MCTP1: variants seen among roughly 807,000 people sequenced by gnomAD.
The protein encoded by MCTP1 is multiple C2 and transmembrane domain-containing protein 1.
Under a neutral mutation model 120.6 loss-of-function variants are expected in MCTP1, and 69 were observed. The observed-to-expected ratio is 0.57, with a 90% CI of 0.47 to 0.70. The LOEUF is 0.70. MCTP1 is among the 30% of genes least tolerant of loss of function. MCTP1 has a pLI of 0.00. For synonymous variants in MCTP1, 529 were observed against 493.1 expected, an observed-to-expected ratio of 1.07 and a Z score of -0.96; for missense variants, 1,203 against 1,248.8, an observed-to-expected ratio of 0.96 and a Z score of 0.55.
At chr5:95,281,420 CCT>C (rs763077467) in intron 1 of MCTP1, among the ~76,000 whole-genome samples, 1 of 152,176 alleles carries the variant, frequency 6.6e-6, no homozygotes, top group East Asian at 1.9e-4. Context: ...ACTGAGAAAT[CCT>C]CTCTTTTACA....
intron 1 of MCTP1, among the ~76,000 whole-genome samples, chr5:95,074,110 C>T (rs751747970): frequency 5.9e-5 from 9 of 152,004 alleles, no homozygotes; most frequent in East Asian, 3.9e-4. Flanking sequence ...AGTGAGACTC[C>T]GTCTCAAGAA....
At chr5:95,173,230 GA>G (rs1747562165) in intron 1 of MCTP1, among the ~76,000 whole-genome samples, 1 of 152,120 alleles carries the variant, frequency 6.6e-6, no homozygotes, top group Admixed American at 6.5e-5. Flanking sequence ...CAATCTATTA[GA>G]ACTCAGTGAT....
intron 2 of MCTP1, among the ~76,000 whole-genome samples, chr5:94,969,353 C>T (rs1826280459): frequency 6.6e-6 from 1 of 152,126 alleles, no homozygotes; most frequent in African/African-American, 2.4e-5. Context: ...AGCCTATCTT[C>T]CCTTAAACTA....
chr5:95,102,337 T>A (rs979314006), intron 1 of MCTP1, among the ~76,000 whole-genome samples: 1 of 152,172 alleles, frequency 6.6e-6, no homozygotes, highest in Admixed American at 6.5e-5. Flanking sequence ...TGCGGCTGCA[T>A]GAGTGAGCCA....
intron 20 of MCTP1, among the ~76,000 whole-genome samples, chr5:94,713,921 C>CAA (rs1758043797): frequency 6.7e-6 from 1 of 148,528 alleles, no homozygotes; most frequent in Non-Finnish European, 1.5e-5. Flanking sequence ...CTATGAATAA[C>CAA]AAACAATGAA....
intron 2 of MCTP1, among the ~76,000 whole-genome samples, chr5:95,015,309 C>T (rs1836883782): frequency 6.6e-6 from 1 of 152,104 alleles, no homozygotes; most frequent in African/African-American, 2.4e-5. Flanking sequence ...TTCTTATCCC[C>T]TTAGATGAGA....
intron 1 of MCTP1, among the ~76,000 whole-genome samples, chr5:95,252,268 G>A (rs1757454516): frequency 6.6e-6 from 1 of 152,052 alleles, no homozygotes; most frequent in African/African-American, 2.4e-5. Context: ...CTATCTCTAT[G>A]ACAGAAGGTA....
At chr5:94,753,377 TC>T (rs1174091416) in intron 19 of MCTP1, among the ~76,000 whole-genome samples, 1 of 152,216 alleles carries the variant, frequency 6.6e-6, no homozygotes, top group African/African-American at 2.4e-5. Context: ...CCTATTGCCT[TC>T]CGCCTCTGGG....
chr5:94,983,931 C>CT, intron 2 of MCTP1, among the ~76,000 whole-genome samples: 1 of 152,268 alleles, frequency 6.6e-6, no homozygotes, highest in Admixed American at 6.5e-5. Flanking sequence ...CTGGCAGTCT[C>CT]TAACAATCCA....
At chr5:94,977,926 G>C (rs1035821282) in intron 2 of MCTP1, among the ~76,000 whole-genome samples, 12 of 152,078 alleles carry the variant, frequency 7.9e-5, no homozygotes, top group African/African-American at 2.7e-4. Context: ...GGAAACAAAA[G>C]TAAAACCAGG....
intron 17 of MCTP1, among the ~76,000 whole-genome samples, chr5:94,846,255 T>G (rs1792325164): frequency 6.6e-6 from 1 of 152,076 alleles, no homozygotes; most frequent in Non-Finnish European, 1.5e-5. Flanking sequence ...TCAACCTAAA[T>G]GCCCATCAAC....
intron 1 of MCTP1, among the ~76,000 whole-genome samples, chr5:95,255,630 AG>A (rs1757807321): frequency 6.6e-6 from 1 of 152,192 alleles, no homozygotes; most frequent in Non-Finnish European, 1.5e-5. Context: ...ACAACTGAGA[AG>A]GGCTGATGTT....
At chr5:94,920,469 G>A (rs191147768) in intron 7 of MCTP1, among the ~76,000 whole-genome samples, 2 of 152,202 alleles carry the variant, frequency 1.3e-5, no homozygotes, top group East Asian at 1.9e-4. Flanking sequence ...TCGGCAGGGC[G>A]CGGTGGCTCA....
chr5:94,871,533 A>G, intron 13 of MCTP1, 116 bp from the exon 14 acceptor site: 1 of 713,956 alleles, frequency 1.4e-6, no homozygotes, highest in Non-Finnish European at 2.5e-6. Flanking sequence ...TAAGCATGCT[A>G]TTTGCATACA....
rs370523009 is a variant in MCTP1 at position 94,946,975 on chromosome 5, T to C, written c.982-4548A>G. On this transcript the variant is annotated intron_variant, in intron 3 of 22. Transcript: ENST00000515393. ...GTAGTATGTCTGTATCCTAGGAAACTTGTACCTGGGCTAGATGGAACAGCC... is the reference window on the plus strand; with the variant it reads ...GTAGTATGTCTGTATCCTAGGAAACCTGTACCTGGGCTAGATGGAACAGCC... Among the ~76,000 whole-genome samples, 8 of 152,296 alleles carry C rather than the reference T, an allele frequency of 5.3e-5. No homozygotes were observed. The South Asian group carries it at 1.4e-3, about 28-fold the overall frequency.
intron 18 of MCTP1, among the ~76,000 whole-genome samples, chr5:94,796,588 C>A (rs1366950339): frequency 1.5e-5 from 2 of 135,806 alleles, no homozygotes; most frequent in African/African-American, 2.7e-5. Context: ...CATACACACA[C>A]ACACACACAT....
At chr5:94,766,673 A>T (rs992940320) in intron 19 of MCTP1, among the ~76,000 whole-genome samples, 3 of 79,724 alleles carry the variant, frequency 3.8e-5, no homozygotes, top group South Asian at 8.7e-4. Context: ...AAGTATAGTT[A>T]AAAAAAAAAA....
chr5:94,760,888 T>C (rs1771180984), intron 19 of MCTP1, among the ~76,000 whole-genome samples: 1 of 151,992 alleles, frequency 6.6e-6, no homozygotes, highest in African/African-American at 2.4e-5. Flanking sequence ...TCCCACTATG[T>C]CACCCAAGCT....
chr5:94,828,587 G>A (rs1369488313), intron 17 of MCTP1, among the ~76,000 whole-genome samples: 1 of 152,234 alleles, frequency 6.6e-6, no homozygotes, highest in Non-Finnish European at 1.5e-5. Flanking sequence ...CTGACCTGGA[G>A]AGGTGTCAGT....
Sources: gnomAD v4.1 joint callset for allele counts (sites outside exome capture counted in the v4.1 genomes callset) on GRCh38, gnomAD v4.1.1 for gene constraint, MANE v1.5 for transcripts, NCBI Gene and HGNC (gene_info 2026-07-23, HGNC 2026-07-21) for gene names.